The following FDFT1 variants were observed in gnomAD, a reference collection of about 807,000 sequenced individuals.
FDFT1 encodes farnesyl-diphosphate farnesyltransferase 1.
In FDFT1, 68 loss-of-function variants were observed where a neutral mutation model predicts 46.8. The observed-to-expected ratio is 1.45, with a 90% CI of 1.19 to 1.78. The LOEUF (loss-of-function observed/expected upper bound fraction) is 1.78. Ranked by LOEUF, FDFT1 falls within the 40% of genes most tolerant of loss-of-function variation. The probability of loss-of-function intolerance (pLI) is 0.00; values close to 1 mark genes in which losing one functional copy is unlikely to be tolerated. For synonymous variants in FDFT1, 351 were observed against 185.1 expected, an observed-to-expected ratio of 1.90 and a Z score of -7.28; for missense variants, 928 against 524.4, an observed-to-expected ratio of 1.77 and a Z score of -7.52.
chr8:11,815,871 A>C (rs1166248704), intron 3 of FDFT1, among the ~76,000 whole-genome samples: 1 of 152,156 alleles, frequency 6.6e-6, no homozygotes, highest in Non-Finnish European at 1.5e-5. Context: ...CTTTAGTTGA[A>C]TTAGATCCCA....
At chr8:11,822,859 C>T (rs558227375) in intron 4 of FDFT1, among the ~76,000 whole-genome samples, 1 of 152,294 alleles carries the variant, frequency 6.6e-6, no homozygotes, top group Middle Eastern at 3.4e-3. Context: ...CAAGAACCAG[C>T]ACTGGTTATG....
In FDFT1 at chr8:11,803,370, T is replaced by C. The variant is rs1205756415; in HGVS notation, c.99+439T>C. Reference sequence around the variant, plus strand: ...CTGGAATGAAGTCTGACTCCTCCAGTTTCACCACCTCTTCCGGAGCTCTCC... The same window carrying C: ...CTGGAATGAAGTCTGACTCCTCCAGCTTCACCACCTCTTCCGGAGCTCTCC... On this transcript the variant is annotated intron_variant, in intron 1 of 7. Transcript: ENST00000220584. 25 of 1,289,786 alleles carry C rather than the reference T, an allele frequency of 1.9e-5. No homozygotes were observed. In the East Asian group the frequency reaches 1.4e-3, roughly 71 times the overall value. 79.9% of individuals were successfully genotyped at this position (1,289,786 alleles called of 1,614,324 possible).
intron 6 of FDFT1, among the ~76,000 whole-genome samples, chr8:11,831,205 A>C (rs1243936401): frequency 6.6e-6 from 1 of 152,200 alleles, no homozygotes; most frequent in African/African-American, 2.4e-5. Context: ...CCGATCCGAT[A>C]ATCCATTGCT....
intron 7 of FDFT1, among the ~76,000 whole-genome samples, chr8:11,835,198 C>G (rs897001018): frequency 1.3e-5 from 2 of 152,192 alleles, no homozygotes; most frequent in Non-Finnish European, 2.9e-5. Context: ...CTGTCCTTGA[C>G]AAGCAGATGT....
At chr8:11,801,772 C>G (rs1178372429), upstream of FDFT1, 1 of 360,934 alleles carries the variant, frequency 2.8e-6, no homozygotes, top group East Asian at 7.4e-5. Flanking sequence ...TGGCTCACTG[C>G]AAACTCCGCT....
At chr8:11,835,893 G>T (rs1278778822) in intron 7 of FDFT1, among the ~76,000 whole-genome samples, 2 of 148,250 alleles carry the variant, frequency 1.3e-5, no homozygotes, top group Non-Finnish European at 3.0e-5. Flanking sequence ...CAGCACTTTG[G>T]GAGGCTGAGG....
intron 1 of FDFT1, among the ~76,000 whole-genome samples, chr8:11,797,201 C>A (rs1383112223): frequency 2.0e-5 from 3 of 152,200 alleles, no homozygotes; most frequent in Non-Finnish European, 4.4e-5. Flanking sequence ...GGTCGGCTGT[C>A]TGAACCCCAC....
chr8:11,804,646 C>T (rs1461520808), intron 1 of FDFT1, among the ~76,000 whole-genome samples: 2 of 140,700 alleles, frequency 1.4e-5, no homozygotes, highest in Admixed American at 7.5e-5. Context: ...CTCTGTTACC[C>T]AGGCTGGAGT....
At chr8:11,829,766 G>A (rs904146074) in intron 5 of FDFT1, among the ~76,000 whole-genome samples, 1 of 152,080 alleles carries the variant, frequency 6.6e-6, no homozygotes, top group Non-Finnish European at 1.5e-5. Context: ...ATTGCATGGA[G>A]CTTAAAATGA....
chr8:11,831,382 TTTC>T (rs1810761086), intron 6 of FDFT1, 133 bp from the exon 7 acceptor site: 1 of 701,672 alleles, frequency 1.4e-6, no homozygotes. Context: ...GTGGGTATTT[TTTC>T]TTGAGCGATT....
chr8:11,804,921 T>C (rs1376377193), intron 1 of FDFT1, among the ~76,000 whole-genome samples: 3 of 77,104 alleles, frequency 3.9e-5, no homozygotes, highest in South Asian at 5.8e-4. Flanking sequence ...TTTTTTTTTT[T>C]TTTTGAGGGG....
At chr8:11,824,638 G>T (rs754533324) in intron 4 of FDFT1, among the ~76,000 whole-genome samples, 2 of 151,766 alleles carry the variant, frequency 1.3e-5, no homozygotes, top group African/African-American at 4.8e-5. Flanking sequence ...AAGTTAAATC[G>T]ACTTCTTTGT....
At chr8:11,817,599 T>C (rs1176573266) in intron 3 of FDFT1, among the ~76,000 whole-genome samples, 1 of 152,020 alleles carries the variant, frequency 6.6e-6, no homozygotes, top group Non-Finnish European at 1.5e-5. Flanking sequence ...CTTGGGAGAG[T>C]GTATGTGTCG....
chr8:11,809,116 G>A, intron 2 of FDFT1: 1 of 1,298,564 alleles, frequency 7.7e-7, no homozygotes. Flanking sequence ...GAGGGGGGAG[G>A]GGGTGATGTT....
intron 1 of FDFT1, chr8:11,808,399 G>A: frequency 8.1e-7 from 1 of 1,237,362 alleles, no homozygotes; most frequent in Non-Finnish European, 1.0e-6. Context: ...GGGCGGGCCC[G>A]TTGTGGGTCG....
At chr8:11,835,870 A>C (rs112635336) in intron 7 of FDFT1, among the ~76,000 whole-genome samples, 3,054 of 146,614 alleles carry the variant, frequency 0.021, 49 homozygotes, top group Middle Eastern at 0.05. Context: ...ATGGTGGCTG[A>C]TGCCTCTAAT....
At chr8:11,797,589 T>C (rs73207246), upstream of FDFT1, among the ~76,000 whole-genome samples, 10,529 of 138,146 alleles carry the variant, frequency 0.076, 427 homozygotes, top group Middle Eastern at 0.091. Flanking sequence ...TCCTAGGAGT[T>C]TGAGCCAGCC....
intron 1 of FDFT1, chr8:11,808,178 G>T: frequency 1.2e-6 from 1 of 864,246 alleles, no homozygotes; most frequent in Non-Finnish European, 1.4e-6. Flanking sequence ...CAGATGCGTT[G>T]AGTACAAAGT....
chr8:11,812,589 A>G (rs1041798767), intron 3 of FDFT1, among the ~76,000 whole-genome samples: 2 of 152,226 alleles, frequency 1.3e-5, no homozygotes, highest in Non-Finnish European at 2.9e-5. Flanking sequence ...AGGTTGTTAC[A>G]AAGATAAGTT....
Sources: allele counts gnomAD v4.1 joint callset (sites outside exome capture counted in the v4.1 genomes callset), GRCh38; gene constraint gnomAD v4.1.1; transcripts MANE v1.5; gene names NCBI Gene and HGNC (gene_info 2026-07-23, HGNC 2026-07-21).